Variants in PKHD1 observed in about 807,000 individuals in gnomAD.
PKHD1 encodes the protein PKHD1 ciliary IPT domain containing fibrocystin/polyductin, also known as fibrocystin.
In PKHD1, 291 loss-of-function variants were observed where a neutral mutation model predicts 412.0. The observed-to-expected ratio is 0.71, with a 90% CI of 0.64 to 0.78. PKHD1 has a LOEUF of 0.78. Among genes scored for constraint, PKHD1 ranks in the 30% least tolerant of loss-of-function variants. The probability of loss-of-function intolerance (pLI) is 0.00; values close to 1 mark genes in which losing one functional copy is unlikely to be tolerated. For synonymous variants in PKHD1, 1,777 were observed against 1,821.5 expected (o/e 0.98, Z 0.62); for missense variants, 4,825 against 4,950.7 (o/e 0.97, Z 0.76).
chr6:52,019,711 A>G (rs1801126469), intron 33 of PKHD1, among the ~76,000 whole-genome samples: 1 of 152,222 alleles, frequency 6.6e-6, no homozygotes, highest in Non-Finnish European at 1.5e-5. Flanking sequence ...TTTCCATGAA[A>G]ATGTCATGTG....
In PKHD1 at chr6:51,619,252, C is replaced by A; in HGVS notation, c.12054G>T (p.Leu4018=). 1 of 1,614,260 alleles carries A rather than the reference C, an allele frequency of 6.2e-7. No individual in the cohort carries two copies. Among genetic ancestry groups the A allele is most frequent in the Non-Finnish European group, 8.5e-7 (1 of 1,180,040 alleles). The change falls in exon 67 of 67, where the codon CTG becomes CTT. Residue 4018 remains leucine, a synonymous_variant. Transcript: ENST00000371117. ...RYQLAGQNQL[L]LLCPDFRQER... ...CTTGTCTGAAGTCTGGGCATAGCAG[C>A]AGCAGCTGATTTTGGCCTGCCAGCT...
intron 66 of PKHD1, chr6:51,622,346 T>A (rs920415005): frequency 6.6e-6 from 1 of 152,162 alleles, no homozygotes; most frequent in Admixed American, 6.6e-5. Context: ...CCTGTTCATA[T>A]TTTTTGAGCC....
At chr6:51,844,635 C>G (rs1037293259) in intron 50 of PKHD1, among the ~76,000 whole-genome samples, 1 of 152,148 alleles carries the variant, frequency 6.6e-6, no homozygotes, top group African/African-American at 2.4e-5. Context: ...TTAAATCACA[C>G]ATGCAGCAGC....
intron 64 of PKHD1, among the ~76,000 whole-genome samples, chr6:51,633,391 C>T (rs1396045): frequency 0.025 from 3,858 of 152,166 alleles, 179 homozygotes; most frequent in African/African-American, 0.088. Flanking sequence ...AGAAAGTTAC[C>T]TATCTGCATA....
chr6:51,645,070 C>A (rs1397889570), intron 63 of PKHD1, among the ~76,000 whole-genome samples: 1 of 152,110 alleles, frequency 6.6e-6, no homozygotes, highest in Non-Finnish European at 1.5e-5. Flanking sequence ...ACATATACAC[C>A]ATATCAATTT....
intron 55 of PKHD1, among the ~76,000 whole-genome samples, chr6:51,764,304 C>A (rs1369114290): frequency 6.7e-6 from 1 of 149,268 alleles, no homozygotes; most frequent in Non-Finnish European, 1.5e-5. Context: ...CCAAAAAACA[C>A]ATGAAAAAAT....
At chr6:51,708,603 G>C (rs1780282185) in intron 60 of PKHD1, among the ~76,000 whole-genome samples, 1 of 152,148 alleles carries the variant, frequency 6.6e-6, no homozygotes, top group Admixed American at 6.5e-5. Flanking sequence ...CAGCCAGGTT[G>C]GACTTCTTTT....
At position 51,721,410 on chromosome 6, in the gene PKHD1, C is replaced by CAAA. The variant is rs1781910451; in HGVS notation, c.10156+22974_10156+22975insTTT. The CAAA allele has an allele frequency of 5.8e-6, 3 of 513,000 alleles. No individual in the cohort carries two copies. The South Asian group carries it at 2.6e-4, about 45-fold the overall frequency. 31.8% of individuals were successfully genotyped at this position (513,000 alleles called of 1,614,324 possible). A position where few individuals can be genotyped will look rare whatever the true frequency, so the allele number is the denominator to read the frequency against. On this transcript the variant is annotated intron_variant, in intron 60 of 66. Coordinates refer to ENST00000371117, the MANE Select transcript of PKHD1 (RefSeq NM_138694.4). ...TACCAATAATAATATATTAATATGC[C>CAAA]AATAATAATAATATCTCAATATAAT...
In PKHD1 at chr6:51,725,695, A is replaced by G. The variant is rs567828758; in HGVS notation, c.10156+18690T>C. 7.8e-4 allele frequency among the ~76,000 whole-genome samples: 119 copies of G among 152,334 alleles called. 1 individual carries two copies. Among genetic ancestry groups the G allele is most frequent in the Middle Eastern group, 3.4e-3 (1 of 294 alleles). On this transcript the variant is annotated intron_variant, in intron 60 of 66. Transcript: ENST00000371117. ...CTCACGTTTCATTTCACAGGTCATT[A>G]TTGCATTAAGAAGTAAATCGACCAA... is the stretch of plus-strand genomic sequence containing the variant.
At chr6:51,843,126 C>T (rs1462129363) in intron 50 of PKHD1, among the ~76,000 whole-genome samples, 1 of 152,164 alleles carries the variant, frequency 6.6e-6, no homozygotes, top group African/African-American at 2.4e-5. Context: ...CCGAGAGGAT[C>T]GTTAGAGAGG....
At position 51,627,096 on chromosome 6, in the gene PKHD1, G is replaced by A; in HGVS notation, c.11686C>T (p.Pro3896Ser). The A allele has an allele frequency of 6.2e-7, 1 of 1,611,490 alleles. No individual in the cohort carries two copies. The highest frequency in any genetic ancestry group is 8.5e-7 in the Non-Finnish European group (1 of 1,177,812). ...TTTTGATTATTAGTCTGGGATTCAG[G>A]AATCTCTTCAGGTTTTGTTTCTGTA... ...KSRKTKPEEI[P>S]ESQTNNQNIH... is the part of the protein sequence containing the mutation. The change falls in exon 66 of 67, where the codon CCT becomes TCT. Residue 3896 changes from proline to serine, a missense_variant. Coordinates refer to ENST00000371117, the MANE Select transcript of PKHD1 (RefSeq NM_138694.4).
rs1356543916 is a variant in PKHD1 at position 52,026,180 on chromosome 6, TC to T, written c.3629del (p.Gly1210GlufsTer10). 6.2e-7 allele frequency: 1 copy of T among 1,613,708 alleles called. No individual in the cohort carries two copies. The highest frequency in any genetic ancestry group is 8.5e-7 in the Non-Finnish European group (1 of 1,179,792). ...TTCCTGAGATGCTGAGGATGGTCCC[TC>T]CTAAAGTATGAATACGGAAAGCAAA... ...SIEPCCGSLLGGTILSISGIG... is the reference protein window; with the variant it reads ...SIEPCCGSLLXGTILSISGIG... On this transcript the variant is annotated frameshift_variant and splice_region_variant, in exon 32 of 67. Transcript: ENST00000371117. LOFTEE classifies it high-confidence loss of function.
At chr6:51,945,202 C>T (rs1288644283) in intron 36 of PKHD1, among the ~76,000 whole-genome samples, 2 of 152,184 alleles carry the variant, frequency 1.3e-5, no homozygotes, top group African/African-American at 4.8e-5. Flanking sequence ...TTATATTCAA[C>T]TGGTAGAACA....
chr6:51,956,773 T>A (rs189997100), intron 36 of PKHD1, among the ~76,000 whole-genome samples: 5 of 152,162 alleles, frequency 3.3e-5, no homozygotes, highest in African/African-American at 1.2e-4. Context: ...GCCAGCCACA[T>A]GAATGTGGAA....
intron 60 of PKHD1, among the ~76,000 whole-genome samples, chr6:51,702,854 CA>C (rs1779603781): frequency 6.8e-6 from 1 of 147,396 alleles, no homozygotes; most frequent in Admixed American, 6.8e-5. Context: ...TCAAATGTAC[CA>C]AATTTTTTCT....
intron 43 of PKHD1, among the ~76,000 whole-genome samples, chr6:51,898,810 G>A (rs368070686): frequency 9.3e-5 from 14 of 150,312 alleles, no homozygotes; most frequent in Middle Eastern, 3.4e-3. Flanking sequence ...TCAAATAGAC[G>A]CAATAAAAAA....
intron 37 of PKHD1, among the ~76,000 whole-genome samples, chr6:51,917,347 A>G (rs1318805656): frequency 6.6e-6 from 1 of 152,192 alleles, no homozygotes; most frequent in Non-Finnish European, 1.5e-5. Flanking sequence ...ATGCAACATC[A>G]CCATTATCCA....
chr6:51,817,463 C>T (rs955075883), intron 52 of PKHD1, among the ~76,000 whole-genome samples: 1 of 152,098 alleles, frequency 6.6e-6, no homozygotes, highest in Non-Finnish European at 1.5e-5. Flanking sequence ...TACTTCCTGC[C>T]CTATGATATA....
intron 35 of PKHD1, chr6:51,975,636 A>C (rs536847105): frequency 6.6e-6 from 1 of 151,440 alleles, no homozygotes; most frequent in East Asian, 1.9e-4. Context: ...TAAAAAAAAA[A>C]AAAAACAAAA....
Sources: gnomAD v4.1 joint callset for allele counts (sites outside exome capture counted in the v4.1 genomes callset) on GRCh38, gnomAD v4.1.1 for gene constraint, MANE v1.5 for transcripts, NCBI Gene and HGNC (gene_info 2026-07-23, HGNC 2026-07-21) for gene names.